The following ZNF865 variants were observed in gnomAD, a reference collection of about 807,000 sequenced individuals.
ZNF865 encodes zinc finger protein 865.
For synonymous variants in ZNF865, 763 were observed against 750.8 expected, an observed-to-expected ratio of 1.02 and a Z score of -0.27; for missense variants, 1,311 against 1,593.4, an observed-to-expected ratio of 0.82 and a Z score of 3.02.
In ZNF865 at chr19:55,614,130, C is replaced by CG. The variant is rs1981247876; in HGVS notation, c.517dup (p.Val173GlyfsTer397). 1 of 1,433,914 alleles carries CG rather than the reference C, an allele frequency of 7.0e-7. No homozygotes were observed. 88.8% of individuals were successfully genotyped at this position (1,433,914 alleles called of 1,614,324 possible). A position where few individuals can be genotyped will look rare whatever the true frequency, so the allele number is the denominator to read the frequency against. On this transcript the variant is annotated frameshift_variant, in exon 2 of 2. Transcript: ENST00000568956. LOFTEE classifies it low-confidence loss of function (END_TRUNC). This position sits in a 1 kb window ranked among gnomAD's most constrained non-coding sequence, Gnocchi z 8.0. ...AAGCGAGGAGGGCCCGCGTCCGGGC[C>CG]GGGGGTGACGCCTGGGCTGGGCGCT...
Position 55,614,457 on chromosome 19 carries a change from C to T in ZNF865, c.839C>T (p.Ala280Val), listed in dbSNP as rs1981265772. Residue 280 changes from alanine (A) to valine (V), a missense_variant, in exon 2 of 2, where the codon GCC (alanine) becomes GTC (valine). Transcript: ENST00000568956. The surrounding 1 kb of genome is among the most constrained non-coding windows in gnomAD (Gnocchi z 8.0). ...CGCTGCCACAAGGACGTGCCACCGG[C>T]CGCGGGGGGCCCGCCCCAGCCCGGC... ...HRRCHKDVPPAAGGPPQPGPH... is the reference protein window; with the variant it reads ...HRRCHKDVPPVAGGPPQPGPH... The T allele has an allele frequency of 7.7e-6, 11 of 1,419,858 alleles. No homozygotes were observed. The highest frequency in any genetic ancestry group is 1.0e-5 in the Non-Finnish European group (11 of 1,086,458). 88.0% of individuals were successfully genotyped at this position (1,419,858 alleles called of 1,614,324 possible).
chr19:55,616,661 C>G lies in ZNF865; in HGVS notation c.3043C>G (p.Arg1015Gly). 1 of 1,529,512 alleles carries G rather than the reference C, an allele frequency of 6.5e-7. No individual in the cohort carries two copies. Among genetic ancestry groups the G allele is most frequent in the Non-Finnish European group, 8.7e-7 (1 of 1,143,926 alleles). 94.7% of individuals were successfully genotyped at this position (1,529,512 alleles called of 1,614,324 possible). A position where few individuals can be genotyped will look rare whatever the true frequency, so the allele number is the denominator to read the frequency against. ...GCACCTGGCTGCCCACCAGGGCGGC[C>G]GGCCCTTCCGCTGCTCCTCCTGCGG... Reference protein sequence around the residue: ...RKHLAAHQGGRPFRCSSCGEG... With the variant: ...RKHLAAHQGGGPFRCSSCGEG... The change falls in exon 2 of 2, where the codon CGG (arginine) becomes GGG (glycine). Residue 1015 changes from arginine to glycine, a missense_variant. Physicochemically the swap from Arg to Gly is moderately radical, Grantham distance 125. Coordinates refer to ENST00000568956, the MANE Select transcript of ZNF865 (RefSeq NM_001195605.2).
Position 55,616,240 on chromosome 19 carries a change from G to T in ZNF865, c.2622G>T (p.Arg874=). 1 of 1,525,494 alleles carries T rather than the reference G, an allele frequency of 6.6e-7. No individual in the cohort carries two copies. The highest frequency in any genetic ancestry group is 8.8e-7 in the Non-Finnish European group (1 of 1,140,814). The allele number at this position is 1,525,494 out of a possible 1,614,324, so 94.5% of individuals were successfully genotyped here. A position where few individuals can be genotyped will look rare whatever the true frequency, so the allele number is the denominator to read the frequency against. The change falls in exon 2 of 2, where the codon CGG becomes CGT. Residue 874 remains arginine, a synonymous_variant. Coordinates refer to ENST00000568956, the MANE Select transcript of ZNF865 (RefSeq NM_001195605.2). ...MRHQRCHTEQ[R]PYRCGVCGRG... ...ACCAGCGCTGCCACACGGAACAGCGGCCGTACCGATGTGGCGTGTGCGGCC... is the reference window on the plus strand; with the variant it reads ...ACCAGCGCTGCCACACGGAACAGCGTCCGTACCGATGTGGCGTGTGCGGCC...
intron 1 of ZNF865, among the ~76,000 whole-genome samples, chr19:55,609,977 T>C (rs1981072869): frequency 6.6e-6 from 1 of 152,192 alleles, no homozygotes. Flanking sequence ...CCCTTCAGCA[T>C]CTCCACACCC....
chr19:55,607,606 A>G (rs534244389), intron 1 of ZNF865, among the ~76,000 whole-genome samples: 16 of 152,274 alleles, frequency 1.1e-4, no homozygotes, highest in African/African-American at 3.9e-4. Flanking sequence ...TCAGAATATC[A>G]CGGGATAAAG....
chr19:55,615,209 GGCGGCGCGGGGACCA>G lies in ZNF865; in HGVS notation c.1596_1610del (p.Thr535_Gly539del). On this transcript the variant is annotated inframe_deletion, in exon 2 of 2. Transcript: ENST00000568956. ...CCTGGGCGCCCACCCGCTGCTGCTC[GGCGGCGCGGGGACCA>G]GCGGGGCGGGAGGCTCGGGCGCCAG... 2 of 1,443,454 alleles carry G rather than the reference GGCGGCGCGGGGACCA, an allele frequency of 1.4e-6. No homozygotes were observed. Among genetic ancestry groups the G allele is most frequent in the Non-Finnish European group, 1.8e-6 (2 of 1,109,694 alleles). 89.4% of individuals were successfully genotyped at this position (1,443,454 alleles called of 1,614,324 possible).
In ZNF865 at chr19:55,615,590, G is replaced by C; in HGVS notation, c.1972G>C (p.Gly658Arg). 6.5e-7 allele frequency: 1 copy of C among 1,531,670 alleles called. No homozygotes were observed. Among genetic ancestry groups the C allele is most frequent in the Non-Finnish European group, 8.7e-7 (1 of 1,145,096 alleles). 94.9% of individuals were successfully genotyped at this position (1,531,670 alleles called of 1,614,324 possible). A position where few individuals can be genotyped will look rare whatever the true frequency, so the allele number is the denominator to read the frequency against. The change falls in exon 2 of 2, where the codon GGC becomes CGC. Residue 658 changes from glycine to arginine, a missense_variant. By Grantham distance (125) the Gly-to-Arg change is moderately radical (BLOSUM62 -2). Coordinates refer to ENST00000568956, the MANE Select transcript of ZNF865 (RefSeq NM_001195605.2). ...TPGACGPGAS[G>R]TSAGPTDGLS... is the part of the protein sequence containing the mutation. ...GGGGGCCTGTGGGCCCGGGGCCTCG[G>C]GCACGTCTGCAGGGCCCACCGATGG...
At position 55,615,256 on chromosome 19, in the gene ZNF865, A is replaced by T. The variant is rs780161818; in HGVS notation, c.1638A>T (p.Pro546=). 3.3e-6 allele frequency: 5 copies of T among 1,519,614 alleles called. No individual in the cohort carries two copies. Among genetic ancestry groups the T allele is most frequent in the Non-Finnish European group, 4.4e-6 (5 of 1,140,826 alleles). 94.1% of individuals were successfully genotyped at this position (1,519,614 alleles called of 1,614,324 possible). A position where few individuals can be genotyped will look rare whatever the true frequency, so the allele number is the denominator to read the frequency against. ...CGGGAGGCTCGGGCGCCAGCGTCCCAGGAAAGACGTTCTGCTGCGGCATCT... is the reference window on the plus strand; with the variant it reads ...CGGGAGGCTCGGGCGCCAGCGTCCCTGGAAAGACGTTCTGCTGCGGCATCT... ...SGAGGSGASV[P]GKTFCCGICG... Residue 546 remains proline (P), a synonymous_variant, in exon 2 of 2, where the codon CCA becomes CCT. Transcript: ENST00000568956.
Position 55,614,039 on chromosome 19 carries a change from G to C in ZNF865, c.421G>C (p.Ala141Pro). 6.7e-7 allele frequency: 1 copy of C among 1,485,682 alleles called. No homozygotes were observed. Among genetic ancestry groups the C allele is most frequent in the Non-Finnish European group, 8.9e-7 (1 of 1,121,726 alleles). 92.0% of individuals were successfully genotyped at this position (1,485,682 alleles called of 1,614,324 possible). ...GAPPPPLFDA[A>P]FPTPQWGIVD... ...GCCCCCTCCTCCCCTCTTTGACGCT[G>C]CTTTCCCCACTCCGCAGTGGGGCAT... Residue 141 changes from alanine to proline, a missense_variant, in exon 2 of 2, where the codon GCT becomes CCT. Physicochemically the swap from Ala to Pro is conservative, Grantham distance 27. Coordinates refer to ENST00000568956, the MANE Select transcript of ZNF865 (RefSeq NM_001195605.2). This position sits in a 1 kb window ranked among gnomAD's most constrained non-coding sequence, Gnocchi z 8.0.
chr19:55,610,644 T>C (rs902872604), intron 1 of ZNF865, among the ~76,000 whole-genome samples: 2 of 152,200 alleles, frequency 1.3e-5, no homozygotes, highest in African/African-American at 4.8e-5. Context: ...CAGCAGATAT[T>C]TGTCAAGCAC....
chr19:55,614,503 C>T lies in ZNF865; in HGVS notation c.885C>T (p.Gly295=), dbSNP rs1408007203. The change falls in exon 2 of 2, where the codon GGC becomes GGT. Residue 295 remains glycine (G), a synonymous_variant. Coordinates refer to ENST00000568956, the MANE Select transcript of ZNF865 (RefSeq NM_001195605.2). This position sits in a 1 kb window ranked among gnomAD's most constrained non-coding sequence, Gnocchi z 8.0. ...PQPGPHLPPL[G]LPAPAASAAT... is the part of the protein sequence containing the mutation. Reference sequence around the variant, plus strand: ...CCGGCCCCCACCTCCCGCCGCTGGGCCTCCCAGCACCCGCTGCCAGCGCCG... The same window carrying T: ...CCGGCCCCCACCTCCCGCCGCTGGGTCTCCCAGCACCCGCTGCCAGCGCCG... The T allele has an allele frequency of 2.3e-6, 3 of 1,302,496 alleles. No homozygotes were observed. The highest frequency in any genetic ancestry group is 3.6e-5 in the South Asian group (2 of 55,226). 80.7% of individuals were successfully genotyped at this position (1,302,496 alleles called of 1,614,324 possible).
At position 55,615,514 on chromosome 19, in the gene ZNF865, G is replaced by A; in HGVS notation, c.1896G>A (p.Leu632=). 1.3e-6 allele frequency: 2 copies of A among 1,506,206 alleles called. No homozygotes were observed. The highest frequency in any genetic ancestry group is 1.8e-6 in the Non-Finnish European group (2 of 1,133,652). The allele number at this position is 1,506,206 out of a possible 1,614,324, so 93.3% of individuals were successfully genotyped here. A position where few individuals can be genotyped will look rare whatever the true frequency, so the allele number is the denominator to read the frequency against. The change falls in exon 2 of 2, where the codon CTG becomes CTA. Residue 632 remains leucine (L), a synonymous_variant. Coordinates refer to ENST00000568956, the MANE Select transcript of ZNF865 (RefSeq NM_001195605.2). ...TRHRQVHRLQ[L]PCALAGAAGL... The stretch of plus-strand genomic sequence containing the variant: ...ACCGCCAGGTGCACCGGCTCCAGCT[G>A]CCCTGCGCCCTGGCCGGGGCAGCCG...
rs1241753476 is a variant in ZNF865, at chr19:55,611,217, A to G, written c.-26-2376A>G. On this transcript the variant is annotated intron_variant, in intron 1 of 1. Transcript: ENST00000568956. This position sits in a 1 kb window ranked among gnomAD's most constrained non-coding sequence, Gnocchi z 4.5. ...AGAGTTGTGGGGAGTCAGTGAATTA[A>G]TATGTGTAACGTGCTTAGAACCGTG... Among the ~76,000 whole-genome samples, 2 of 152,156 alleles carry G rather than the reference A, an allele frequency of 1.3e-5. No individual in the cohort carries two copies. Among genetic ancestry groups the G allele is most frequent in the Non-Finnish European group, 2.9e-5 (2 of 68,010 alleles).
chr19:55,610,364 G>A (rs538588917), intron 1 of ZNF865, among the ~76,000 whole-genome samples: 6 of 152,172 alleles, frequency 3.9e-5, no homozygotes, highest in East Asian at 1.9e-4. Flanking sequence ...GAGTTCAAGC[G>A]ATTCTCCTGC....
At position 55,614,651 on chromosome 19, in the gene ZNF865, G is replaced by A. The variant is rs1981280441; in HGVS notation, c.1033G>A (p.Gly345Ser). 3 of 1,538,456 alleles carry A rather than the reference G, an allele frequency of 2.0e-6. No individual in the cohort carries two copies. Among genetic ancestry groups the A allele is most frequent in the Non-Finnish European group, 2.6e-6 (3 of 1,149,538 alleles). ...GVGVPPPATGGGDGPFACPLC... is the reference protein window; with the variant it reads ...GVGVPPPATGSGDGPFACPLC... ...TGGGGTGCCCCCTCCTGCCACCGGG[G>A]GTGGCGATGGCCCGTTCGCCTGCCC... Residue 345 changes from glycine (G) to serine (S), a missense_variant, in exon 2 of 2, where the codon GGT (glycine) becomes AGT (serine). Transcript: ENST00000568956. This position sits in a 1 kb window ranked among gnomAD's most constrained non-coding sequence, Gnocchi z 8.0.
At chr19:55,606,160 G>A (rs1980933068) in intron 1 of ZNF865, among the ~76,000 whole-genome samples, 1 of 152,038 alleles carries the variant, frequency 6.6e-6, no homozygotes, top group Non-Finnish European at 1.5e-5. Context: ...TTTCCTTAGT[G>A]CCTTGCAGCA....
In ZNF865 at chr19:55,615,820, G is replaced by A. The variant is rs1395406079; in HGVS notation, c.2202G>A (p.Leu734=). 11 of 1,507,874 alleles carry A rather than the reference G, an allele frequency of 7.3e-6. No homozygotes were observed. In the Admixed American group the frequency reaches 1.9e-4, roughly 26 times the overall value. The allele number at this position is 1,507,874 out of a possible 1,614,324, so 93.4% of individuals were successfully genotyped here. A position where few individuals can be genotyped will look rare whatever the true frequency, so the allele number is the denominator to read the frequency against. The change falls in exon 2 of 2, where the codon CTG becomes CTA. Residue 734 remains leucine, a synonymous_variant. Coordinates refer to ENST00000568956, the MANE Select transcript of ZNF865 (RefSeq NM_001195605.2). The part of the protein sequence containing the change: ...ERLLPPAPGG[L]QPPDGSSGTD... ...TGCTCCCGCCCGCACCCGGCGGCCT[G>A]CAGCCCCCGGACGGCTCCAGCGGCA...
chr19:55,606,449 A>C (rs2088570039), intron 1 of ZNF865, among the ~76,000 whole-genome samples: 1 of 152,082 alleles, frequency 6.6e-6, no homozygotes, highest in Admixed American at 6.5e-5. Context: ...GCTTAGCTCC[A>C]GGCTCCCATG....
rs528567666 is a variant in ZNF865, at chr19:55,611,326, C to G, written c.-26-2267C>G. Among the ~76,000 whole-genome samples the G allele has an allele frequency of 1.3e-5, 2 of 152,080 alleles. No individual in the cohort carries two copies. The highest frequency in any genetic ancestry group is 4.8e-5 in the African/African-American group (2 of 41,390). The stretch of plus-strand genomic sequence containing the variant: ...AGACAAGCTAGTCAGGGGCTTCTTT[C>G]CCCAAACACTCTTGCCCTCCCTCCC... On this transcript the variant is annotated intron_variant, in intron 1 of 1. Coordinates refer to ENST00000568956, the MANE Select transcript of ZNF865 (RefSeq NM_001195605.2). This position sits in a 1 kb window ranked among gnomAD's most constrained non-coding sequence, Gnocchi z 4.5.
Sources: gnomAD v4.1 joint callset for allele counts (sites outside exome capture counted in the v4.1 genomes callset) on GRCh38, gnomAD v4.1.1 for gene constraint, Gnocchi (gnomAD v3.1) non-coding constraint, MANE v1.5 for transcripts, NCBI Gene and HGNC (gene_info 2026-07-23, HGNC 2026-07-21) for gene names.